The following KYNU variants were observed in gnomAD, a reference collection of about 807,000 sequenced individuals.
KYNU encodes L-kynurenine hydrolase.
A neutral mutation model predicts 59.2 loss-of-function variants in KYNU; 54 were observed. The observed-to-expected ratio is 0.91, with a 90% CI of 0.73 to 1.14. The LOEUF is 1.14. Among genes scored for constraint, KYNU ranks in the 50% most tolerant of loss-of-function variants. The pLI is 0.00. For missense variants in KYNU, 567 were observed against 554.4 expected (o/e 1.02, Z -0.23); for synonymous variants, 177 against 192.0 (o/e 0.92, Z 0.65).
intron 10 of KYNU, among the ~76,000 whole-genome samples, chr2:143,011,010 T>G (rs957662867): frequency 6.9e-6 from 1 of 145,010 alleles, no homozygotes. Flanking sequence ...GGGCAAGGAC[T>G]TCATGTGCAA....
intron 2 of KYNU, among the ~76,000 whole-genome samples, chr2:142,916,155 T>C (rs1682661679): frequency 6.6e-6 from 1 of 152,148 alleles, no homozygotes; most frequent in Non-Finnish European, 1.5e-5. Flanking sequence ...GAAGCTTTAG[T>C]TCTAGAAGCC....
intron 4 of KYNU, among the ~76,000 whole-genome samples, chr2:142,931,928 G>A (rs772462384): frequency 1.4e-4 from 22 of 152,144 alleles, no homozygotes; most frequent in Admixed American, 4.6e-4. Flanking sequence ...TTTGTGTGAC[G>A]ACATTTGCAC....
intron 10 of KYNU, among the ~76,000 whole-genome samples, chr2:143,028,481 AT>A (rs2104911513): frequency 6.8e-6 from 1 of 147,806 alleles, no homozygotes; most frequent in Non-Finnish European, 1.5e-5. Flanking sequence ...TGACCTCATG[AT>A]CCACCCGCCT....
chr2:142,896,678 G>C (rs184301760), intron 2 of KYNU, among the ~76,000 whole-genome samples: 1 of 152,056 alleles, frequency 6.6e-6, no homozygotes, highest in East Asian at 1.9e-4. Flanking sequence ...TAACAGACAG[G>C]GTCTCGCTTT....
chr2:143,042,170 T>A lies in KYNU; in HGVS notation c.1396T>A (p.Ter466LysextTer25). ...ACTTGACTCTGCAGAAACAAAAAAT[T>A]AGCAGTGTTTTCTAGAACAACTTAA... is the stretch of plus-strand genomic sequence containing the variant. The part of the protein sequence containing the change: ...SILDSAETKN[*>K] Residue 466 changes from the stop codon to lysine (K), a stop_lost, in exon 14 of 14, where the codon TAG (stop) becomes AAG (lysine). Transcript: ENST00000264170. 3 of 1,608,550 alleles carry A rather than the reference T, an allele frequency of 1.9e-6. No homozygotes were observed. Among genetic ancestry groups the A allele is most frequent in the South Asian group, 1.1e-5 (1 of 90,952 alleles).
chr2:142,900,243 C>T (rs1014085472), intron 2 of KYNU, among the ~76,000 whole-genome samples: 12 of 152,196 alleles, frequency 7.9e-5, no homozygotes, highest in Non-Finnish European at 1.8e-4. Context: ...AGTGAACACA[C>T]TGCTGGATCC....
chr2:142,901,379 A>G (rs111856387), intron 2 of KYNU, among the ~76,000 whole-genome samples: 16 of 152,276 alleles, frequency 1.1e-4, no homozygotes, highest in African/African-American at 3.9e-4. Context: ...TTGGGTTCCC[A>G]GAGGGGATTA....
intron 8 of KYNU, among the ~76,000 whole-genome samples, chr2:142,961,291 T>TC (rs1263384151): frequency 1.4e-5 from 2 of 145,864 alleles, no homozygotes; most frequent in African/African-American, 5.1e-5. Flanking sequence ...TTTTTTTTTT[T>TC]TTTTTTTTGC....
chr2:142,909,934 T>C (rs1188519631), intron 2 of KYNU, among the ~76,000 whole-genome samples: 1 of 152,154 alleles, frequency 6.6e-6, no homozygotes, highest in African/African-American at 2.4e-5. Flanking sequence ...GTATAAGTGT[T>C]TTATTTCTTT....
intron 2 of KYNU, among the ~76,000 whole-genome samples, chr2:142,918,278 G>A (rs995681023): frequency 6.6e-6 from 1 of 152,264 alleles, no homozygotes; most frequent in Admixed American, 6.5e-5. Flanking sequence ...ATAGGCTGAT[G>A]TATTTCCTAA....
intron 10 of KYNU, among the ~76,000 whole-genome samples, chr2:142,986,350 C>T (rs1317708731): frequency 6.6e-6 from 1 of 151,668 alleles, no homozygotes; most frequent in African/African-American, 2.4e-5. Context: ...TTTCAGATTC[C>T]TCACGTTGAT....
chr2:142,990,626 T>TC (rs1685372887), intron 10 of KYNU, among the ~76,000 whole-genome samples: 1 of 151,880 alleles, frequency 6.6e-6, no homozygotes, highest in Non-Finnish European at 1.5e-5. Context: ...AACCTGCTGT[T>TC]CCTCACTCTT....
In KYNU at chr2:142,957,663, A is replaced by G; in HGVS notation, c.530A>G (p.Gln177Arg). 5 of 1,606,714 alleles carry G rather than the reference A, an allele frequency of 3.1e-6. No individual in the cohort carries two copies. The highest frequency in any genetic ancestry group is 4.3e-6 in the Non-Finnish European group (5 of 1,173,636). ...TAGTATGCTATTGAGTCACAACTAC[A>G]ACTTCACGGACTTAACATTGAAGAA... ...SDHYAIESQL[Q>R]LHGLNIEESM... The change falls in exon 7 of 14, where the codon CAA becomes CGA. Residue 177 changes from glutamine (Q) to arginine (R), a missense_variant. Physicochemically the swap from Gln to Arg is conservative, Grantham distance 43. Coordinates refer to ENST00000264170, the MANE Select transcript of KYNU (RefSeq NM_003937.3).
chr2:142,919,393 T>C (rs1389206634), intron 3 of KYNU, among the ~76,000 whole-genome samples: 1 of 152,248 alleles, frequency 6.6e-6, no homozygotes, highest in Non-Finnish European at 1.5e-5. Flanking sequence ...TTCTTCATGA[T>C]TAGGCTAAAT....
chr2:142,941,372 A>G (rs1054229731), intron 4 of KYNU, among the ~76,000 whole-genome samples: 2 of 152,204 alleles, frequency 1.3e-5, no homozygotes, highest in African/African-American at 4.8e-5. Context: ...GACAAAATTC[A>G]TTTAGTTTTC....
chr2:143,021,221 A>G (rs557017555), intron 10 of KYNU, among the ~76,000 whole-genome samples: 1 of 152,192 alleles, frequency 6.6e-6, no homozygotes, highest in East Asian at 1.9e-4. Context: ...TAAAAAATAT[A>G]TTGTTGTTTG....
chr2:142,985,847 T>C (rs1051436961), intron 9 of KYNU, 101 bp from the exon 10 acceptor site: 2 of 771,160 alleles, frequency 2.6e-6, no homozygotes, highest in East Asian at 2.7e-5. Context: ...TTTGAACTGA[T>C]CAAATGTTGT....
At chr2:142,949,181 C>T (rs893757488) in intron 4 of KYNU, among the ~76,000 whole-genome samples, 1 of 152,310 alleles carries the variant, frequency 6.6e-6, no homozygotes, top group South Asian at 2.1e-4. Flanking sequence ...TTGCAGGGTA[C>T]AGCCTCACTC....
chr2:143,016,418 T>C (rs1375421125), intron 10 of KYNU, among the ~76,000 whole-genome samples: 2 of 152,242 alleles, frequency 1.3e-5, no homozygotes, highest in African/African-American at 4.8e-5. Flanking sequence ...TTGAGAATTT[T>C]CTCAGTGGAC....
Sources: allele counts gnomAD v4.1 joint callset (sites outside exome capture counted in the v4.1 genomes callset), GRCh38; gene constraint gnomAD v4.1.1; transcripts MANE v1.5; gene names NCBI Gene and HGNC (gene_info 2026-07-23, HGNC 2026-07-21).